Variants in DZANK1 observed in about 807,000 individuals in gnomAD.
DZANK1 encodes the protein double zinc ribbon and ankyrin repeat-containing protein 1.
A neutral mutation model predicts 94.5 loss-of-function variants in DZANK1; 91 were observed. That is an observed-to-expected ratio of 0.96 (90% confidence interval 0.81 to 1.15). The LOEUF (loss-of-function observed/expected upper bound fraction) is 1.15, where lower values mean the gene tolerates loss of function less well. DZANK1 is among the 50% of genes most tolerant of loss of function. DZANK1 has a pLI of 0.00. For missense variants in DZANK1, 903 were observed against 916.4 expected, an observed-to-expected ratio of 0.99 and a Z score of 0.19; for synonymous variants, 312 against 325.3, an observed-to-expected ratio of 0.96 and a Z score of 0.44.
At chr20:18,387,878 A>ATT (rs1477776187) in intron 19 of DZANK1, among the ~76,000 whole-genome samples, 2 of 152,208 alleles carry the variant, frequency 1.3e-5, no homozygotes, top group South Asian at 2.1e-4. Context: ...GGGAGACAGC[A>ATT]TTTTAATTCT....
chr20:18,410,110 A>G (rs1283179508), intron 13 of DZANK1, among the ~76,000 whole-genome samples: 2 of 152,022 alleles, frequency 1.3e-5, no homozygotes, highest in East Asian at 1.9e-4. Context: ...CAAAGGAATA[A>G]ATTAAGAGAA....
chr20:18,413,040 G>C (rs2057332388), intron 12 of DZANK1, 187 bp from the exon 13 acceptor site: 5 of 622,608 alleles, frequency 8.0e-6, no homozygotes, highest in Non-Finnish European at 1.4e-5. Flanking sequence ...CTTCCAGCCT[G>C]ATCCAGGATT....
chr20:18,451,973 GATACCATTTACAATTAGA>G, intron 6 of DZANK1: 1 of 515,890 alleles, frequency 1.9e-6, no homozygotes, highest in South Asian at 1.4e-5. Context: ...CTGCCAAACA[GATACCATTTACAATTAGA>G]ATAGAATTCA....
At chr20:18,410,241 GTAAACA>G (rs2057186784) in intron 13 of DZANK1, among the ~76,000 whole-genome samples, 1 of 152,032 alleles carries the variant, frequency 6.6e-6, no homozygotes, top group Non-Finnish European at 1.5e-5. Flanking sequence ...TAACATATAT[GTAAACA>G]TAAACATAAT....
intron 8 of DZANK1, among the ~76,000 whole-genome samples, chr20:18,435,598 G>C (rs1465681770): frequency 6.6e-6 from 1 of 152,082 alleles, no homozygotes; most frequent in African/African-American, 2.4e-5. Flanking sequence ...TCTGTCGGGG[G>C]TGGGGGGCAA....
chr20:18,408,558 G>T (rs539311278), intron 13 of DZANK1, among the ~76,000 whole-genome samples: 4 of 152,272 alleles, frequency 2.6e-5, no homozygotes, highest in African/African-American at 9.6e-5. Flanking sequence ...AATACCTTCA[G>T]TAGCAGGCTT....
At chr20:18,448,844 G>A in intron 7 of DZANK1, 140 bp downstream of exon 7, 1 of 679,518 alleles carries the variant, frequency 1.5e-6, no homozygotes, top group South Asian at 2.0e-5. Flanking sequence ...TCCAGCCAGG[G>A]TGACAGAGTG....
intron 13 of DZANK1, among the ~76,000 whole-genome samples, chr20:18,405,441 G>A (rs2056913861): frequency 6.6e-6 from 1 of 152,018 alleles, no homozygotes; most frequent in Admixed American, 6.5e-5. Context: ...GAAGAAAAAT[G>A]AACAGAGCCT....
chr20:18,399,888 G>C (rs1276848424), intron 13 of DZANK1, among the ~76,000 whole-genome samples: 1 of 152,140 alleles, frequency 6.6e-6, no homozygotes, highest in Non-Finnish European at 1.5e-5. Context: ...ACCCACATTG[G>C]ATCCCACCAA....
chr20:18,406,264 G>C (rs911506243), intron 13 of DZANK1, among the ~76,000 whole-genome samples: 2 of 152,240 alleles, frequency 1.3e-5, no homozygotes, highest in Non-Finnish European at 2.9e-5. Context: ...ACTCCAGGCA[G>C]TGCAGCTCAT....
At chr20:18,393,605 G>A in intron 17 of DZANK1, 106 bp downstream of exon 17, 1 of 721,502 alleles carries the variant, frequency 1.4e-6, no homozygotes, top group East Asian at 2.7e-5. Context: ...CATAAAAAAG[G>A]AACAGAAAAT....
rs377579731 is a variant in DZANK1 at position 18,448,971 on chromosome 20, A to G, written c.629+13T>C. The G allele has an allele frequency of 1.9e-6, 3 of 1,602,872 alleles. No homozygotes were observed. The highest frequency in any genetic ancestry group is 2.6e-6 in the Non-Finnish European group (3 of 1,170,080). ...TAGGATTTAAGGCAGAGTAAAGAGA[A>G]TGTGATACTTACTTGAGAAAGTCTG... On this transcript the variant is annotated intron_variant, in intron 7 of 20. Transcript: ENST00000262547.
At chr20:18,395,875 C>A (rs118131528) in intron 15 of DZANK1, among the ~76,000 whole-genome samples, 1,853 of 152,296 alleles carry the variant, frequency 0.012, 20 homozygotes, top group Non-Finnish European at 0.019. Flanking sequence ...CTCCCAGCCT[C>A]CCCATGAGTT....
At chr20:18,443,139 C>A (rs1032062683) in intron 8 of DZANK1, among the ~76,000 whole-genome samples, 4 of 152,114 alleles carry the variant, frequency 2.6e-5, no homozygotes, top group Admixed American at 2.6e-4. Context: ...CTTTTTTAAG[C>A]CCGTGCTTCT....
chr20:18,434,168 G>A (rs536849660), intron 8 of DZANK1, among the ~76,000 whole-genome samples: 2 of 151,454 alleles, frequency 1.3e-5, no homozygotes, highest in East Asian at 1.9e-4. Flanking sequence ...GTAGAAAAGA[G>A]AGATGTTAAA....
intron 6 of DZANK1, among the ~76,000 whole-genome samples, chr20:18,449,349 CT>C (rs1168236823): frequency 6.6e-6 from 1 of 151,882 alleles, no homozygotes; most frequent in East Asian, 1.9e-4. Flanking sequence ...TCTGCACCCC[CT>C]GAACCCATAA....
chr20:18,443,677 C>T (rs1256130738), intron 7 of DZANK1, among the ~76,000 whole-genome samples: 1 of 152,242 alleles, frequency 6.6e-6, no homozygotes, highest in East Asian at 1.9e-4. Context: ...CCTCTGGTGC[C>T]CTTTCTGCGT....
At chr20:18,415,361 C>A in exon 11 of DZANK1, 1 of 1,594,870 alleles carries the variant, frequency 6.3e-7, no homozygotes, top group Non-Finnish European at 8.5e-7. Flanking sequence ...GGACGCCTCC[C>A]AGAGATTCCA....
chr20:18,437,898 A>G (rs2058583106), intron 8 of DZANK1, among the ~76,000 whole-genome samples: 1 of 152,172 alleles, frequency 6.6e-6, no homozygotes, highest in Admixed American at 6.5e-5. Context: ...AAGCATTAAA[A>G]TGGCACACTA....
Sources: allele counts gnomAD v4.1 joint callset (sites outside exome capture counted in the v4.1 genomes callset), GRCh38; gene constraint gnomAD v4.1.1; transcripts MANE v1.5; gene names NCBI Gene and HGNC (gene_info 2026-07-23, HGNC 2026-07-21).